The following NHLRC2 variants were observed in gnomAD, a reference collection of about 807,000 sequenced individuals.
The protein encoded by NHLRC2 is NHL repeat containing 2.
NHLRC2 carries 33 observed loss-of-function variants against 68.1 expected under a neutral mutation model. That is an observed-to-expected ratio of 0.48 (90% CI 0.37 to 0.65). The LOEUF (loss-of-function observed/expected upper bound fraction) is 0.65, where lower values mean the gene tolerates loss of function less well. Among genes scored for constraint, NHLRC2 ranks in the 30% least tolerant of loss-of-function variants. The pLI is 0.00. For synonymous variants in NHLRC2, 311 were observed against 309.6 expected, an observed-to-expected ratio of 1.00 and a Z score of -0.05; for missense variants, 761 against 853.8, an observed-to-expected ratio of 0.89 and a Z score of 1.35.
chr10:113,905,972 A>G (rs1042459726), intron 10 of NHLRC2, among the ~76,000 whole-genome samples: 1 of 152,166 alleles, frequency 6.6e-6, no homozygotes, highest in African/African-American at 2.4e-5. Context: ...AAGGCTAACC[A>G]TGTACTAGGA....
rs1281358306 is a variant in NHLRC2, at chr10:113,864,691, G to A, written c.331+6011G>A. 5.2e-5 allele frequency among the ~76,000 whole-genome samples: 4 copies of A among 77,244 alleles called. No individual in the cohort carries two copies. The East Asian group carries it at 1.8e-3, about 36-fold the overall frequency. 50.7% of individuals were successfully genotyped at this position (77,244 alleles called of 152,430 possible). ...TAGCCTTTCGACAGAGCAAGACTCC[G>A]TCTAAAAAAAAAAAAAAACCACACA... On this transcript the variant is annotated intron_variant, in intron 2 of 10. Transcript: ENST00000369301.
intron 6 of NHLRC2, among the ~76,000 whole-genome samples, chr10:113,901,133 T>C (rs966155790): frequency 6.6e-6 from 1 of 152,172 alleles, no homozygotes; most frequent in Non-Finnish European, 1.5e-5. Context: ...AATTATATTA[T>C]TTTTCATATA....
At chr10:113,889,074 G>T (rs1233555955) in intron 5 of NHLRC2, among the ~76,000 whole-genome samples, 1 of 152,068 alleles carries the variant, frequency 6.6e-6, no homozygotes, top group Non-Finnish European at 1.5e-5. Context: ...TGATTTGCCC[G>T]CCTTGGCCTC....
intron 2 of NHLRC2, 44 bp downstream of exon 2, chr10:113,858,724 G>A (rs1217736489): frequency 6.9e-7 from 1 of 1,452,488 alleles, no homozygotes; most frequent in Admixed American, 1.8e-5. Context: ...TCCTGGCATA[G>A]TCACTGGAAG....
At position 113,884,274 on chromosome 10, in the gene NHLRC2, G is replaced by A; in HGVS notation, c.933G>A (p.Val311=). The change falls in exon 5 of 11, where the codon GTG becomes GTA. Residue 311 remains valine, a synonymous_variant. Transcript: ENST00000369301. Reference sequence around the variant, plus strand: ...AGATTGACCTAGAAGCTGAGAAGGTGAGCACTGTAGCTGGTATTGGAATTC... The same window carrying A: ...AGATTGACCTAGAAGCTGAGAAGGTAAGCACTGTAGCTGGTATTGGAATTC... ...IRKIDLEAEK[V]STVAGIGIQG... is the part of the protein sequence containing the mutation. The A allele has an allele frequency of 6.2e-7, 1 of 1,610,198 alleles. No individual in the cohort carries two copies. Among genetic ancestry groups the A allele is most frequent in the Non-Finnish European group, 8.5e-7 (1 of 1,177,076 alleles).
chr10:113,855,448 T>A (rs1204360865), intron 1 of NHLRC2, among the ~76,000 whole-genome samples: 1 of 152,154 alleles, frequency 6.6e-6, no homozygotes, highest in Non-Finnish European at 1.5e-5. Context: ...GATCACTTTT[T>A]CATGTATCAC....
At chr10:113,869,275 T>C (rs962206978) in intron 2 of NHLRC2, among the ~76,000 whole-genome samples, 6 of 152,068 alleles carry the variant, frequency 3.9e-5, no homozygotes, top group African/African-American at 1.2e-4. Flanking sequence ...CCTAGACTGG[T>C]TTTTTGCTTC....
intron 9 of NHLRC2, 48 bp from the exon 10 acceptor site, chr10:113,904,769 T>G (rs1203685897): frequency 1.5e-6 from 2 of 1,347,592 alleles, no homozygotes; most frequent in East Asian, 2.3e-5. Context: ...CATTCTATAA[T>G]TAATATAAAG....
chr10:113,858,920 G>A (rs1845789489), intron 2 of NHLRC2: 1 of 332,692 alleles, frequency 3.0e-6, no homozygotes, highest in African/African-American at 2.1e-5. Flanking sequence ...GCGGATAGGG[G>A]CATAATTTGC....
At chr10:113,906,684 G>C (rs1252818383) in intron 10 of NHLRC2, among the ~76,000 whole-genome samples, 1 of 152,032 alleles carries the variant, frequency 6.6e-6, no homozygotes, top group East Asian at 1.9e-4. Context: ...TATTTTCTTT[G>C]TTTGATTTAA....
At position 113,911,071 on chromosome 10, in the gene NHLRC2, G is replaced by A. The variant is rs1846324005; in HGVS notation, c.*2535G>A. 1 of 152,120 alleles carries A rather than the reference G, an allele frequency of 6.6e-6. No individual in the cohort carries two copies. Among genetic ancestry groups the A allele is most frequent in the South Asian group, 2.1e-4 (1 of 4,822 alleles). The allele number at this position is 152,120 out of a possible 1,614,324, so 9.4% of individuals were successfully genotyped here. A position where few individuals can be genotyped will look rare whatever the true frequency, so the allele number is the denominator to read the frequency against. On this transcript the variant is annotated 3_prime_UTR_variant, in exon 11 of 11. Transcript: ENST00000369301. ...ATATTTTTTATCTTTTGCTTTTCTT[G>A]TTGGATAAATTATTATGTCCAGTGA...
intron 2 of NHLRC2, among the ~76,000 whole-genome samples, chr10:113,867,685 G>A (rs1845881511): frequency 6.6e-6 from 1 of 152,050 alleles, no homozygotes; most frequent in African/African-American, 2.4e-5. Flanking sequence ...CATCCTTTTT[G>A]TCTAGTGAAG....
chr10:113,908,257 A>T, intron 10 of NHLRC2, 23 bp from the exon 11 acceptor site: 1 of 1,592,746 alleles, frequency 6.3e-7, no homozygotes. Context: ...TACAGTCTTA[A>T]TAATTTCATT....
At chr10:113,855,197 C>T (rs532230772) in intron 1 of NHLRC2, 147 bp downstream of exon 1, 1 of 734,574 alleles carries the variant, frequency 1.4e-6, no homozygotes, top group Non-Finnish European at 2.3e-6. Flanking sequence ...CCGCTGTTCG[C>T]GTGTTCTGCA....
chr10:113,868,594 C>T (rs1351178820), intron 2 of NHLRC2, among the ~76,000 whole-genome samples: 1 of 152,114 alleles, frequency 6.6e-6, no homozygotes, highest in Non-Finnish European at 1.5e-5. Flanking sequence ...TCATTTGTTT[C>T]CTACTTACGT....
Position 113,876,578 on chromosome 10 carries a change from A to T in NHLRC2, c.389A>T (p.Asp130Val), listed in dbSNP as rs527890870. Residue 130 changes from aspartate to valine, a missense_variant, in exon 3 of 11, where the codon GAT (aspartate) becomes GTT (valine). By Grantham distance (152) the Asp-to-Val change is radical. Coordinates refer to ENST00000369301, the MANE Select transcript of NHLRC2 (RefSeq NM_198514.4). Reference protein sequence around the residue: ...SAKFPNEKVLDNIKSAVLRYN... With the variant: ...SAKFPNEKVLVNIKSAVLRYN... ...AAGTTTCCAAATGAAAAAGTCCTGG[A>T]TAACATTAAGAGTGCTGTTCTTCGA... 18 of 1,612,792 alleles carry T rather than the reference A, an allele frequency of 1.1e-5. No homozygotes were observed. The Admixed American group carries it at 2.2e-4, about 19-fold the overall frequency.
Position 113,854,828 on chromosome 10 carries a change from A to G in NHLRC2, c.-45A>G, listed in dbSNP as rs978686751. 3.5e-5 allele frequency: 52 copies of G among 1,506,430 alleles called. No homozygotes were observed. Among genetic ancestry groups the G allele is most frequent in the Non-Finnish European group, 4.4e-5 (49 of 1,124,670 alleles). The allele number at this position is 1,506,430 out of a possible 1,614,324, so 93.3% of individuals were successfully genotyped here. On this transcript the variant is annotated 5_prime_UTR_variant, in exon 1 of 11. Coordinates refer to ENST00000369301, the MANE Select transcript of NHLRC2 (RefSeq NM_198514.4). ...TGAACGTTTCGTCTCTCCCAGCGAG[A>G]CTCTCCCGCGGGCCCGGCGGCCGCA... is the stretch of plus-strand genomic sequence containing the variant.
chr10:113,912,170 C>G lies in NHLRC2; in HGVS notation c.*3634C>G, dbSNP rs891404484. ...CTTGGATTTTGCAGTAACTTGGATT[C>G]TAATCCTTTAAAATGGGGCTGATAT... On this transcript the variant is annotated 3_prime_UTR_variant, in exon 11 of 11. Transcript: ENST00000369301. 6.6e-6 allele frequency: 1 copy of G among 152,004 alleles called. No homozygotes were observed. Among genetic ancestry groups the G allele is most frequent in the Admixed American group, 6.6e-5 (1 of 15,260 alleles). The allele number at this position is 152,004 out of a possible 1,614,324, so 9.4% of individuals were successfully genotyped here. A position where few individuals can be genotyped will look rare whatever the true frequency, so the allele number is the denominator to read the frequency against.
At chr10:113,905,433 T>A (rs1846267538) in intron 10 of NHLRC2, among the ~76,000 whole-genome samples, 1 of 152,210 alleles carries the variant, frequency 6.6e-6, no homozygotes, top group Non-Finnish European at 1.5e-5. Context: ...TTCCTTTCAG[T>A]CACTCTTGGG....
Sources: allele counts gnomAD v4.1 joint callset (sites outside exome capture counted in the v4.1 genomes callset), GRCh38; gene constraint gnomAD v4.1.1; transcripts MANE v1.5; gene names NCBI Gene and HGNC (gene_info 2026-07-23, HGNC 2026-07-21).